ARHGAP33: variants seen among roughly 807,000 people sequenced by gnomAD.
ARHGAP33 encodes the protein rho GTPase-activating protein 33.
In ARHGAP33, 57 loss-of-function variants were observed where a neutral mutation model predicts 126.2. The observed-to-expected ratio is 0.45, with a 90% CI of 0.36 to 0.56. The LOEUF (loss-of-function observed/expected upper bound fraction) is 0.56. ARHGAP33 is among the 20% of genes least tolerant of loss of function. The probability of loss-of-function intolerance (pLI) is 0.00; values close to 1 mark genes in which losing one functional copy is unlikely to be tolerated. For missense variants in ARHGAP33, 1,500 were observed against 1,748.3 expected, an observed-to-expected ratio of 0.86 and a Z score of 2.53; for synonymous variants, 711 against 755.0, an observed-to-expected ratio of 0.94 and a Z score of 0.95.
In ARHGAP33 at chr19:35,782,315, C is replaced by A. The variant is rs1644724185; in HGVS notation, c.1086-58C>A. The A allele has an allele frequency of 6.4e-7, 1 of 1,561,676 alleles. No homozygotes were observed. The highest frequency in any genetic ancestry group is 1.3e-5 in the African/African-American group (1 of 74,294). ...GGGGGTAGGGGCAAGGGGAGCATGG[C>A]CACGTGAGCGAGCCCCTCTGACCTG... is the stretch of plus-strand genomic sequence containing the variant. On this transcript the variant is annotated intron_variant, in intron 12 of 20. Transcript: ENST00000007510. The surrounding 1 kb of genome is among the most constrained non-coding windows in gnomAD (Gnocchi z 4.1).
intron 12 of ARHGAP33, 98 bp downstream of exon 12, chr19:35,781,350 C>T: frequency 8.3e-7 from 1 of 1,198,044 alleles, no homozygotes; most frequent in Non-Finnish European, 1.2e-6. Flanking sequence ...TACCAGGAGT[C>T]AGGAGTGGCA....
At position 35,786,388 on chromosome 19, in the gene ARHGAP33, G is replaced by A; in HGVS notation, c.1943-25G>A. On this transcript the variant is annotated intron_variant, in intron 19 of 20. Coordinates refer to ENST00000007510, the MANE Select transcript of ARHGAP33 (RefSeq NM_001366178.1). The surrounding 1 kb of genome is among the most constrained non-coding windows in gnomAD (Gnocchi z 7.0). ...GGCTGTGCGCCCTGTTCTCAGGGATGGTCTCACTGACCCCACCCCTCCAGG... is the reference window on the plus strand; with the variant it reads ...GGCTGTGCGCCCTGTTCTCAGGGATAGTCTCACTGACCCCACCCCTCCAGG... 1 of 1,513,578 alleles carries A rather than the reference G, an allele frequency of 6.6e-7. No homozygotes were observed. The highest frequency in any genetic ancestry group is 8.8e-7 in the Non-Finnish European group (1 of 1,134,482). The allele number at this position is 1,513,578 out of a possible 1,614,324, so 93.8% of individuals were successfully genotyped here.
rs1033128567 is a variant in ARHGAP33 at position 35,775,566 on chromosome 19, C to T, written c.-93C>T. On this transcript the variant is annotated 5_prime_UTR_variant, in exon 1 of 21. Coordinates refer to ENST00000007510, the MANE Select transcript of ARHGAP33 (RefSeq NM_001366178.1). ...GCAGCCGCCCGCGCGCGGCTCGCGC[C>T]CTCCCCTTTGTGTCGCCATGGCGGC... The T allele has an allele frequency of 7.9e-6, 11 of 1,385,654 alleles. No individual in the cohort carries two copies. The highest frequency in any genetic ancestry group is 6.5e-6 in the Non-Finnish European group (7 of 1,070,036). The allele number at this position is 1,385,654 out of a possible 1,614,324, so 85.8% of individuals were successfully genotyped here.
Position 35,782,005 on chromosome 19 carries a change from G to T in ARHGAP33, c.1086-368G>T, listed in dbSNP as rs1971817212. 6.6e-6 allele frequency among the ~76,000 whole-genome samples: 1 copy of T among 152,190 alleles called. No individual in the cohort carries two copies. The highest frequency in any genetic ancestry group is 1.5e-5 in the Non-Finnish European group (1 of 68,024). On this transcript the variant is annotated intron_variant, in intron 12 of 20. Coordinates refer to ENST00000007510, the MANE Select transcript of ARHGAP33 (RefSeq NM_001366178.1). The surrounding 1 kb of genome is among the most constrained non-coding windows in gnomAD (Gnocchi z 4.1). ...CCACAGGCAGTGGGGCCCCACCAGA[G>T]AATTGGGAGTAGCAGGGTGCTGGGA... is the stretch of plus-strand genomic sequence containing the variant.
chr19:35,775,837 G>GC lies in ARHGAP33; in HGVS notation c.6+178dup, dbSNP rs573854602. Among the ~76,000 whole-genome samples the GC allele has an allele frequency of 1.9e-3, 283 of 148,408 alleles. 3 individuals carry two copies. Among genetic ancestry groups the GC allele is most frequent in the Non-Finnish European group, 3.6e-3 (242 of 67,114 alleles). ...GGGTCCCAGCCCGTACCTCGACCCCGCCCCCTAAGCGCGCATCCCCGTCTT... is the reference window on the plus strand; with the variant it reads ...GGGTCCCAGCCCGTACCTCGACCCCGCCCCCCTAAGCGCGCATCCCCGTCTT... On this transcript the variant is annotated intron_variant, in intron 1 of 20. Transcript: ENST00000007510.
chr19:35,777,074 A>T (rs1297171987), intron 1 of ARHGAP33, among the ~76,000 whole-genome samples: 2 of 152,120 alleles, frequency 1.3e-5, no homozygotes, highest in Non-Finnish European at 2.9e-5. Flanking sequence ...GAGCTCTGAG[A>T]GTGGGGGCAA....
chr19:35,784,865 G>T, intron 16 of ARHGAP33, 88 bp from the exon 17 acceptor site: 1 of 1,413,908 alleles, frequency 7.1e-7, no homozygotes, highest in Non-Finnish European at 9.2e-7. Context: ...CATGCTGCGG[G>T]GCCGGGGCTT....
chr19:35,778,494 G>A lies in ARHGAP33; in HGVS notation c.301G>A (p.Asp101Asn), dbSNP rs781740762. 1.5e-5 allele frequency: 25 copies of A among 1,614,172 alleles called. No homozygotes were observed. Among genetic ancestry groups the A allele is most frequent in the South Asian group, 4.4e-5 (4 of 91,082 alleles). ...GRSWPVLRSY[D>N]DFRSLDAHLH... ...TTCCTGGCCGGTTCTCCGGAGTTAC[G>A]ATGACTTTCGTTCCCTGGATGCCCA... Residue 101 changes from aspartate (D) to asparagine (N), a missense_variant, in exon 5 of 21, where the codon GAT becomes AAT. Transcript: ENST00000007510.
At chr19:35,784,131 G>T in intron 15 of ARHGAP33, 41 bp from the exon 16 acceptor site, 5 of 1,572,996 alleles carry the variant, frequency 3.2e-6, no homozygotes, top group Non-Finnish European at 4.3e-6. Context: ...CTGCTGGCTG[G>T]GCTCAAGGCA....
At chr19:35,784,822 GC>G in intron 16 of ARHGAP33, 130 bp from the exon 17 acceptor site, 1 of 1,211,206 alleles carries the variant, frequency 8.3e-7, no homozygotes, top group Non-Finnish European at 1.0e-6. Context: ...CGCCTGATCC[GC>G]CCCGGCCCCC....
intron 15 of ARHGAP33, 81 bp from the exon 16 acceptor site, chr19:35,784,091 C>G: frequency 1.6e-6 from 2 of 1,249,120 alleles, no homozygotes; most frequent in East Asian, 2.5e-5. Flanking sequence ...TCACTGCCTC[C>G]CCTGGCTCCC....
rs1214937717 is a variant in ARHGAP33 at position 35,787,257 on chromosome 19, C to T, written c.2692C>T (p.Arg898Cys). 4 of 1,612,126 alleles carry T rather than the reference C, an allele frequency of 2.5e-6. No individual in the cohort carries two copies. Among genetic ancestry groups the T allele is most frequent in the Non-Finnish European group, 3.4e-6 (4 of 1,179,586 alleles). ...ACCCCCGCCCCCTAAGAACCCAGCA[C>T]GCCTCATGGCCCTGGCCCTGGCTGA... is the stretch of plus-strand genomic sequence containing the variant. ...APPPPPKNPA[R>C]LMALALAERA... Residue 898 changes from arginine (R) to cysteine (C), a missense_variant, in exon 21 of 21, where the codon CGC becomes TGC. Physicochemically the swap from Arg to Cys is radical, Grantham distance 180. This residue lies in a region of ARHGAP33 where 642 missense variants were observed against 634.0 expected (regional missense o/e 1.01). Coordinates refer to ENST00000007510, the MANE Select transcript of ARHGAP33 (RefSeq NM_001366178.1).
chr19:35,780,649 G>C lies in ARHGAP33; in HGVS notation c.769+1G>C. The C allele has an allele frequency of 8.8e-7, 1 of 1,130,494 alleles. No individual in the cohort carries two copies. The highest frequency in any genetic ancestry group is 1.2e-5 in the South Asian group (1 of 82,846). The allele number at this position is 1,130,494 out of a possible 1,614,324, so 70.0% of individuals were successfully genotyped here. A position where few individuals can be genotyped will look rare whatever the true frequency, so the allele number is the denominator to read the frequency against. On this transcript the variant is annotated splice_donor_variant, in intron 9 of 20. Coordinates refer to ENST00000007510, the MANE Select transcript of ARHGAP33 (RefSeq NM_001366178.1). LOFTEE classifies it high-confidence loss of function. ...CGGCCAGGTCCGGGCCTGAAGGCGGGTAAGTGCCATGGATGGATGGGAGGT... is the reference window on the plus strand; with the variant it reads ...CGGCCAGGTCCGGGCCTGAAGGCGGCTAAGTGCCATGGATGGATGGGAGGT...
chr19:35,785,722 C>T, intron 19 of ARHGAP33: 1 of 1,373,158 alleles, frequency 7.3e-7, no homozygotes, highest in Non-Finnish European at 9.4e-7. Context: ...CTTTATTATT[C>T]CTGTTGAACA....
rs1199790388 is a variant in ARHGAP33, at chr19:35,785,450, G to C, written c.1909G>C (p.Glu637Gln). 6.2e-7 allele frequency: 1 copy of C among 1,614,216 alleles called. No homozygotes were observed. Among genetic ancestry groups the C allele is most frequent in the Admixed American group, 1.7e-5 (1 of 60,022 alleles). ...DTVTLRSAKS[E>Q]ESLSSQASGA... ...CGTCACACTGAGATCTGCCAAGAGC[G>C]AGGAGTCTCTGTCATCGCAGGCCAG... Residue 637 changes from glutamate (E) to glutamine (Q), a missense_variant, in exon 19 of 21, where the codon GAG (glutamate) becomes CAG (glutamine). Physicochemically the swap from Glu to Gln is conservative, Grantham distance 29. Transcript: ENST00000007510.
rs1486689725 is a variant in ARHGAP33, at chr19:35,786,524, A to C, written c.2054A>C (p.Glu685Ala). Residue 685 changes from glutamate to alanine, a missense_variant, in exon 20 of 21, where the codon GAG (glutamate) becomes GCG (alanine). This residue lies in a region of ARHGAP33 where 300 missense variants were observed against 291.1 expected (regional missense o/e 1.03). Transcript: ENST00000007510. The surrounding 1 kb of genome is among the most constrained non-coding windows in gnomAD (Gnocchi z 7.0). ...AGCCTGTCCTCGTCCTCCTCCTCCG[A>C]GTCCTCCTCCTCTGAGTCCTCCTCT... ...CESLSSSSSS[E>A]SSSSESSSSS... is the part of the protein sequence containing the mutation. 20 of 1,535,536 alleles carry C rather than the reference A, an allele frequency of 1.3e-5. No individual in the cohort carries two copies. Among genetic ancestry groups the C allele is most frequent in the Admixed American group, 3.9e-5 (2 of 50,954 alleles).
At position 35,779,214 on chromosome 19, in the gene ARHGAP33, A is replaced by G. The variant is rs1367488406; in HGVS notation, c.501+90A>G. 6 of 1,024,456 alleles carry G rather than the reference A, an allele frequency of 5.9e-6. No individual in the cohort carries two copies. In the African/African-American group the frequency reaches 9.7e-5, roughly 17 times the overall value. 63.5% of individuals were successfully genotyped at this position (1,024,456 alleles called of 1,614,324 possible). A position where few individuals can be genotyped will look rare whatever the true frequency, so the allele number is the denominator to read the frequency against. Reference sequence around the variant, plus strand: ...AGCCTCGGTGTGTGTGTGGGCATAGAAAAGAAAGGAGCCAGAGTGGAGGAG... The same window carrying G: ...AGCCTCGGTGTGTGTGTGGGCATAGGAAAGAAAGGAGCCAGAGTGGAGGAG... On this transcript the variant is annotated intron_variant, in intron 6 of 20. Transcript: ENST00000007510.
At chr19:35,778,441 C>A (rs1971572047) in intron 4 of ARHGAP33, 23 bp from the exon 5 acceptor site, 1 of 1,614,054 alleles carries the variant, frequency 6.2e-7, no homozygotes, top group South Asian at 1.1e-5. Flanking sequence ...CCCCTGCTCC[C>A]TTCTGTCCCT....
chr19:35,778,144 C>G, intron 3 of ARHGAP33, 136 bp from the exon 4 acceptor site: 1 of 943,858 alleles, frequency 1.1e-6, no homozygotes. Context: ...TGCTCTATGT[C>G]AGGGACCAGG....
Sources: gnomAD v4.1 joint callset for allele counts (sites outside exome capture counted in the v4.1 genomes callset) on GRCh38, gnomAD v4.1.1 for gene constraint, gnomAD v4.1.1 regional missense constraint, Gnocchi (gnomAD v3.1) non-coding constraint, MANE v1.5 for transcripts, NCBI Gene and HGNC (gene_info 2026-07-23, HGNC 2026-07-21) for gene names.